The following IL22RA2 variants were observed in gnomAD, a reference collection of about 807,000 sequenced individuals.
The protein encoded by IL22RA2 is interleukin 22 receptor subunit alpha 2.
A neutral mutation model predicts 30.7 loss-of-function variants in IL22RA2; 39 were observed. The ratio of observed to expected loss-of-function variants is 1.27; its 90% confidence interval spans 0.98 to 1.66. IL22RA2 has a LOEUF of 1.66. IL22RA2 is among the 40% of genes most tolerant of loss of function. The pLI is 0.00. For missense variants in IL22RA2, 315 were observed against 312.7 expected (o/e 1.01, Z -0.05); for synonymous variants, 103 against 105.0 (o/e 0.98, Z 0.11).
At chr6:137,154,910 A>G (rs936387875) in intron 5 of IL22RA2, 31 bp downstream of exon 5, 94 of 1,609,126 alleles carry the variant, frequency 5.8e-5, no homozygotes, top group Non-Finnish European at 7.9e-5. Context: ...AAGCAGGAAG[A>G]ACAAGGGCAA....
intron 1 of IL22RA2, among the ~76,000 whole-genome samples, chr6:137,162,779 CAGAA>C (rs1463583695): frequency 3.3e-5 from 5 of 152,126 alleles, no homozygotes; most frequent in Non-Finnish European, 7.4e-5. Flanking sequence ...TCCAGTTTCT[CAGAA>C]AGAAACATTT....
At chr6:137,159,656 A>G (rs1051741873) in intron 2 of IL22RA2, among the ~76,000 whole-genome samples, 16 of 151,960 alleles carry the variant, frequency 1.1e-4, no homozygotes, top group African/African-American at 3.9e-4. Flanking sequence ...CCCTGACCTC[A>G]TCTTCTGTCA....
intron 3 of IL22RA2, 135 bp from the exon 4 acceptor site, chr6:137,156,989 C>T: frequency 4.1e-6 from 5 of 1,233,932 alleles, no homozygotes; most frequent in Non-Finnish European, 5.6e-6. Flanking sequence ...ACTCACTCAA[C>T]TGCAGCAATA....
Position 137,173,530 on chromosome 6 carries a change from T to A in IL22RA2, c.-183A>T, listed in dbSNP as rs879665440. The A allele has an allele frequency of 1.3e-5, 2 of 152,250 alleles. No individual in the cohort carries two copies. Among genetic ancestry groups the A allele is most frequent in the African/African-American group, 4.8e-5 (2 of 41,466 alleles). The allele number at this position is 152,250 out of a possible 1,614,324, so 9.4% of individuals were successfully genotyped here. ...TATTTTGTCTTTGTTAATCCTCTTA[T>A]GAAGTCTAGGAGATTGGTATTATTA... On this transcript the variant is annotated 5_prime_UTR_variant, in exon 1 of 7. Transcript: ENST00000296980.
chr6:137,172,239 G>A (rs1196866488), intron 1 of IL22RA2, among the ~76,000 whole-genome samples: 2 of 152,186 alleles, frequency 1.3e-5, no homozygotes, highest in Admixed American at 6.5e-5. Context: ...AGCAGAGAAC[G>A]AAATTGAGGT....
intron 1 of IL22RA2, among the ~76,000 whole-genome samples, chr6:137,170,367 G>A (rs1408683856): frequency 6.6e-6 from 1 of 152,078 alleles, no homozygotes; most frequent in Non-Finnish European, 1.5e-5. Flanking sequence ...CACGTTAAAA[G>A]GGAATATTAA....
chr6:137,168,378 AC>A (rs1246853976), intron 1 of IL22RA2, among the ~76,000 whole-genome samples: 1 of 152,164 alleles, frequency 6.6e-6, no homozygotes, highest in African/African-American at 2.4e-5. Flanking sequence ...TACAAACCCC[AC>A]AGAAACTGGG....
At chr6:137,150,048 G>A (rs1054411009) in intron 5 of IL22RA2, among the ~76,000 whole-genome samples, 6 of 152,124 alleles carry the variant, frequency 3.9e-5, no homozygotes, top group South Asian at 4.1e-4. Context: ...AGTATCAAAC[G>A]CTGCTTTTAA....
At chr6:137,148,149 C>T (rs953347132) in intron 5 of IL22RA2, among the ~76,000 whole-genome samples, 3 of 152,142 alleles carry the variant, frequency 2.0e-5, no homozygotes, top group Non-Finnish European at 2.9e-5. Flanking sequence ...GTGTTAGATT[C>T]TTAGCAGAAT....
chr6:137,169,187 C>T (rs1173655231), intron 1 of IL22RA2, among the ~76,000 whole-genome samples: 1 of 152,172 alleles, frequency 6.6e-6, no homozygotes, highest in South Asian at 2.1e-4. Flanking sequence ...CCTTTCAGAA[C>T]CAGATAGGGG....
At chr6:137,157,054 G>A (rs1411827131) in intron 3 of IL22RA2, among the ~76,000 whole-genome samples, 200 bp from the exon 4 acceptor site, 1 of 152,060 alleles carries the variant, frequency 6.6e-6, no homozygotes, top group Non-Finnish European at 1.5e-5. Context: ...CACCTCCTAC[G>A]AGGCCCTACT....
At chr6:137,163,512 T>C (rs78645292) in intron 1 of IL22RA2, among the ~76,000 whole-genome samples, 116 of 152,300 alleles carry the variant, frequency 7.6e-4, no homozygotes, top group African/African-American at 2.8e-3. Context: ...TTCCACGTTC[T>C]GGAGCCTTCC....
At chr6:137,155,566 C>T (rs920393309) in intron 4 of IL22RA2, among the ~76,000 whole-genome samples, 4 of 151,584 alleles carry the variant, frequency 2.6e-5, no homozygotes, top group African/African-American at 9.7e-5. Flanking sequence ...TGATAACTAG[C>T]CCACTTCCTC....
intron 1 of IL22RA2, among the ~76,000 whole-genome samples, chr6:137,163,695 T>A (rs768757551): frequency 6.6e-6 from 1 of 151,730 alleles, no homozygotes; most frequent in South Asian, 2.1e-4. Flanking sequence ...CCCGAGGGGG[T>A]TGGGACAATG....
rs1274631291 is a variant in IL22RA2, at chr6:137,145,583, G to C, written c.*41C>G. On this transcript the variant is annotated 3_prime_UTR_variant, in exon 7 of 7. Transcript: ENST00000296980. The stretch of plus-strand genomic sequence containing the variant: ...ACACGAGTCATCCTGTTCTCAGGGA[G>C]CTTTAGAATTTCCACATTGCTGAAT... The C allele has an allele frequency of 6.4e-7, 1 of 1,568,788 alleles. No individual in the cohort carries two copies. Among genetic ancestry groups the C allele is most frequent in the Non-Finnish European group, 8.7e-7 (1 of 1,154,646 alleles).
chr6:137,160,889 A>G (rs1778507719), intron 2 of IL22RA2, among the ~76,000 whole-genome samples: 1 of 152,224 alleles, frequency 6.6e-6, no homozygotes. Flanking sequence ...AGTCTTCTCA[A>G]ATCCAAACAC....
At chr6:137,146,251 T>C (rs1778176258) in intron 6 of IL22RA2, among the ~76,000 whole-genome samples, 1 of 152,242 alleles carries the variant, frequency 6.6e-6, no homozygotes, top group Non-Finnish European at 1.5e-5. Context: ...AGGCAGGTCT[T>C]GAACTCCTGA....
chr6:137,155,844 T>C (rs550975688), intron 4 of IL22RA2, among the ~76,000 whole-genome samples: 1 of 152,308 alleles, frequency 6.6e-6, no homozygotes, highest in South Asian at 2.1e-4. Flanking sequence ...AAATGTTCTT[T>C]CTGGTGTGTG....
intron 1 of IL22RA2, among the ~76,000 whole-genome samples, chr6:137,170,373 A>AACCAGGCTG (rs1778708765): frequency 6.6e-6 from 1 of 152,194 alleles, no homozygotes; most frequent in South Asian, 2.1e-4. Context: ...AAAAGGGAAT[A>AACCAGGCTG]TTAACAGCCT....
Sources: allele counts gnomAD v4.1 joint callset (sites outside exome capture counted in the v4.1 genomes callset), GRCh38; gene constraint gnomAD v4.1.1; transcripts MANE v1.5; gene names NCBI Gene and HGNC (gene_info 2026-07-23, HGNC 2026-07-21).